The following MRPL30 variants were observed in gnomAD, a reference collection of about 807,000 sequenced individuals.
MRPL30 encodes the protein large ribosomal subunit protein uL30m.
A neutral mutation model predicts 17.2 loss-of-function variants in MRPL30; 10 were observed. That is an observed-to-expected ratio of 0.58 (90% CI 0.36 to 0.99). The LOEUF (loss-of-function observed/expected upper bound fraction) is 0.99, where lower values mean the gene tolerates loss of function less well. MRPL30 is among the 50% of genes least tolerant of loss of function. The pLI is 0.01. For synonymous variants in MRPL30, 61 were observed against 62.1 expected, an observed-to-expected ratio of 0.98 and a Z score of 0.08; for missense variants, 170 against 189.8, an observed-to-expected ratio of 0.90 and a Z score of 0.61.
chr2:99,196,786 A>G lies in MRPL30; in HGVS notation c.*1081A>G, dbSNP rs2093955865. ...AGTCAAGAAACACTGGATGCCAGCT[A>G]GATTATCTGTTCTGTGCTTTGGTGT... On this transcript the variant is annotated 3_prime_UTR_variant, in exon 6 of 6. Coordinates refer to ENST00000338148, the MANE Select transcript of MRPL30 (RefSeq NM_145212.4). 2 of 152,242 alleles carry G rather than the reference A, an allele frequency of 1.3e-5. No individual in the cohort carries two copies. Among genetic ancestry groups the G allele is most frequent in the African/African-American group, 4.8e-5 (2 of 41,458 alleles). The allele number at this position is 152,242 out of a possible 1,614,324, so 9.4% of individuals were successfully genotyped here.
At position 99,195,307 on chromosome 2, in the gene MRPL30, TG is replaced by T. The variant is rs1306058561; in HGVS notation, c.353+119del. ...TTTTTAAAAAACTAAAATTTTATTT[TG>T]TTTTTTTTTAATTGACACATAATAA... is the stretch of plus-strand genomic sequence containing the variant. On this transcript the variant is annotated intron_variant, in intron 5 of 5. Transcript: ENST00000338148. 3.2e-5 allele frequency: 33 copies of T among 1,020,256 alleles called. 1 individual carries two copies. The African/African-American group carries it at 4.2e-4, about 13-fold the overall frequency. 63.2% of individuals were successfully genotyped at this position (1,020,256 alleles called of 1,614,324 possible). A position where few individuals can be genotyped will look rare whatever the true frequency, so the allele number is the denominator to read the frequency against.
At position 99,194,926 on chromosome 2, in the gene MRPL30, G is replaced by T. The variant is rs752622557; in HGVS notation, c.279+29G>T. On this transcript the variant is annotated intron_variant, in intron 4 of 5. Transcript: ENST00000338148. Reference sequence around the variant, plus strand: ...TGCAATTATTTTAATCATCTTTAGTGTTGTTTACATTGCTTTAAATTTTAT... The same window carrying T: ...TGCAATTATTTTAATCATCTTTAGTTTTGTTTACATTGCTTTAAATTTTAT... The T allele has an allele frequency of 3.9e-6, 6 of 1,529,392 alleles. No individual in the cohort carries two copies. In the Admixed American group the frequency reaches 1.4e-4, roughly 35 times the overall value. 94.7% of individuals were successfully genotyped at this position (1,529,392 alleles called of 1,614,324 possible). A position where few individuals can be genotyped will look rare whatever the true frequency, so the allele number is the denominator to read the frequency against.
intron 3 of MRPL30, among the ~76,000 whole-genome samples, chr2:99,189,111 C>G (rs1220676947): frequency 6.6e-6 from 1 of 152,164 alleles, no homozygotes; most frequent in African/African-American, 2.4e-5. Flanking sequence ...TATACAGTGT[C>G]CCCCACAACT....
At chr2:99,181,978 T>C (rs1159387660) in intron 1 of MRPL30, among the ~76,000 whole-genome samples, 1 of 151,262 alleles carries the variant, frequency 6.6e-6, no homozygotes, top group African/African-American at 2.4e-5. Flanking sequence ...TCCTGTTGCA[T>C]GCATGCTCAT....
chr2:99,185,930 T>C (rs2093933122), intron 1 of MRPL30: 3 of 487,624 alleles, frequency 6.2e-6, no homozygotes, highest in East Asian at 7.5e-5. Context: ...GATAGTAATT[T>C]TGTGGAATCA....
At chr2:99,185,715 A>G (rs1427590803) in intron 1 of MRPL30, 4 of 419,642 alleles carry the variant, frequency 9.5e-6, no homozygotes, top group Non-Finnish European at 1.9e-5. Flanking sequence ...CCAGACCACA[A>G]ACTTTATTGA....
Position 99,198,216 on chromosome 2 carries a change from T to C in MRPL30, c.*2511T>C, listed in dbSNP as rs886737830. ...AGCTGCTTAAAACAACACACACTTATTGTCTCACAATGTTTGTGGGTCGGA... is the reference window on the plus strand; with the variant it reads ...AGCTGCTTAAAACAACACACACTTACTGTCTCACAATGTTTGTGGGTCGGA... On this transcript the variant is annotated 3_prime_UTR_variant, in exon 6 of 6. Coordinates refer to ENST00000338148, the MANE Select transcript of MRPL30 (RefSeq NM_145212.4). 2.6e-5 allele frequency among the ~76,000 whole-genome samples: 4 copies of C among 152,248 alleles called. No homozygotes were observed. Among genetic ancestry groups the C allele is most frequent in the Non-Finnish European group, 4.4e-5 (3 of 68,048 alleles).
chr2:99,186,130 T>C lies in MRPL30; in HGVS notation c.-27-47T>C, dbSNP rs770615739. On this transcript the variant is annotated intron_variant, in intron 1 of 5. Coordinates refer to ENST00000338148, the MANE Select transcript of MRPL30 (RefSeq NM_145212.4). ...TACTAGAGAAGGGGAAACCTGTTCA[T>C]TTCCAAGACATAGTTGACTGATGGG... The C allele has an allele frequency of 2.3e-5, 31 of 1,358,548 alleles. 1 individual carries two copies. In the South Asian group the frequency reaches 3.7e-4, roughly 16 times the overall value. 84.2% of individuals were successfully genotyped at this position (1,358,548 alleles called of 1,614,324 possible).
At chr2:99,193,763 G>A (rs941469885) in intron 3 of MRPL30, among the ~76,000 whole-genome samples, 2 of 152,098 alleles carry the variant, frequency 1.3e-5, no homozygotes, top group Admixed American at 1.3e-4. Flanking sequence ...TTTGCGCCAG[G>A]CGTGGTGGTT....
intron 3 of MRPL30, among the ~76,000 whole-genome samples, chr2:99,193,909 G>A (rs575652904): frequency 5.3e-5 from 8 of 152,054 alleles, no homozygotes; most frequent in African/African-American, 1.7e-4. Context: ...ACGGTGGTGT[G>A]CGCCTGTAAT....
Position 99,198,657 on chromosome 2 carries a change from T to G in MRPL30, c.*2952T>G, listed in dbSNP as rs2093958831. Among the ~76,000 whole-genome samples, 1 of 152,158 alleles carries G rather than the reference T, an allele frequency of 6.6e-6. No homozygotes were observed. Among genetic ancestry groups the G allele is most frequent in the African/African-American group, 2.4e-5 (1 of 41,434 alleles). Reference sequence around the variant, plus strand: ...CCTGAAAAGTCAATCCTGGACCTTATCATAGTGGCTGTATAGTTTAGAAGG... The same window carrying G: ...CCTGAAAAGTCAATCCTGGACCTTAGCATAGTGGCTGTATAGTTTAGAAGG... On this transcript the variant is annotated 3_prime_UTR_variant, in exon 6 of 6. Transcript: ENST00000338148.
At chr2:99,192,367 G>A (rs938674521) in intron 3 of MRPL30, among the ~76,000 whole-genome samples, 7 of 152,120 alleles carry the variant, frequency 4.6e-5, no homozygotes, top group Admixed American at 3.3e-4. Flanking sequence ...CTATCAACCC[G>A]TCATCTAGGT....
chr2:99,183,316 C>T (rs1233430461), intron 1 of MRPL30, among the ~76,000 whole-genome samples: 1 of 152,022 alleles, frequency 6.6e-6, no homozygotes, highest in African/African-American at 2.4e-5. Context: ...ATGCTTGTAA[C>T]CCCAGCACTT....
Position 99,186,133 on chromosome 2 carries a change from C to A in MRPL30, c.-27-44C>A, listed in dbSNP as rs776673900. 2.2e-6 allele frequency: 3 copies of A among 1,387,076 alleles called. No homozygotes were observed. The South Asian group carries it at 3.7e-5, about 17-fold the overall frequency. 85.9% of individuals were successfully genotyped at this position (1,387,076 alleles called of 1,614,324 possible). ...TAGAGAAGGGGAAACCTGTTCATTT[C>A]CAAGACATAGTTGACTGATGGGTCT... On this transcript the variant is annotated intron_variant, in intron 1 of 5. Transcript: ENST00000338148.
At position 99,195,116 on chromosome 2, in the gene MRPL30, G is replaced by A. The variant is rs776755276; in HGVS notation, c.280G>A (p.Ala94Thr). ...GTTGCTTTGTTGTTGTTGTTCACAG[G>A]CACATACCCCTCAAGTTCACAAGAA... ...DIIKMLGLEKAHTPQVHKNIP... is the reference protein window; with the variant it reads ...DIIKMLGLEKTHTPQVHKNIP... Residue 94 changes from alanine (A) to threonine (T), a missense_variant and splice_region_variant, in exon 5 of 6, where the codon GCA (alanine) becomes ACA (threonine). Coordinates refer to ENST00000338148, the MANE Select transcript of MRPL30 (RefSeq NM_145212.4). 6.3e-7 allele frequency: 1 copy of A among 1,590,114 alleles called. No individual in the cohort carries two copies. Among genetic ancestry groups the A allele is most frequent in the Non-Finnish European group, 8.5e-7 (1 of 1,172,382 alleles).
rs760850046 is a variant in MRPL30, at chr2:99,195,197, G to A, written c.353+8G>A. The stretch of plus-strand genomic sequence containing the variant: ...AGTTAAGCATTTGATAAGGTTTGTT[G>A]TTTCTTCTCAGCTCTTTTTAAAATG... On this transcript the variant is annotated splice_region_variant and intron_variant, in intron 5 of 5. Transcript: ENST00000338148. The A allele has an allele frequency of 2.9e-5, 47 of 1,595,462 alleles. No homozygotes were observed. Among genetic ancestry groups the A allele is most frequent in the Non-Finnish European group, 3.8e-5 (44 of 1,167,768 alleles).
intron 3 of MRPL30, among the ~76,000 whole-genome samples, chr2:99,190,793 T>G (rs2093943776): frequency 6.6e-6 from 1 of 152,110 alleles, no homozygotes; most frequent in Non-Finnish European, 1.5e-5. Flanking sequence ...AAATAGCTAA[T>G]GCATACTGGG....
Position 99,186,209 on chromosome 2 carries a change from T to A in MRPL30, c.6T>A (p.Ala2=), listed in dbSNP as rs745621838. ...AGAGAGCAATCACTACACTTATGGC[T>A]GGGATTTTGCGCTTAGTAGTTCAAT... M[A]GILRLVVQWP... Residue 2 remains alanine (A), a synonymous_variant, in exon 2 of 6, where the codon GCT becomes GCA. Coordinates refer to ENST00000338148, the MANE Select transcript of MRPL30 (RefSeq NM_145212.4). 6.2e-7 allele frequency: 1 copy of A among 1,614,138 alleles called. No individual in the cohort carries two copies. The highest frequency in any genetic ancestry group is 8.5e-7 in the Non-Finnish European group (1 of 1,179,960).
At position 99,186,658 on chromosome 2, in the gene MRPL30, G is replaced by A. The variant is rs189317455; in HGVS notation, c.51+404G>A. 1.6e-3 allele frequency among the ~76,000 whole-genome samples: 236 copies of A among 152,224 alleles called. 2 individuals carry two copies. The highest frequency in any genetic ancestry group is 5.3e-3 in the African/African-American group (222 of 41,538). On this transcript the variant is annotated intron_variant, in intron 2 of 5. Coordinates refer to ENST00000338148, the MANE Select transcript of MRPL30 (RefSeq NM_145212.4). ...GATATTGAGAGTTAATCTTGTTTAT[G>A]TATGGTTTTTCTGCTGTTTTATCCC...
Sources: gnomAD v4.1 joint callset for allele counts (sites outside exome capture counted in the v4.1 genomes callset) on GRCh38, gnomAD v4.1.1 for gene constraint, MANE v1.5 for transcripts, NCBI Gene and HGNC (gene_info 2026-07-23, HGNC 2026-07-21) for gene names.